The following CEACAM3 variants were observed in gnomAD, a reference collection of about 807,000 sequenced individuals.
CEACAM3 encodes cell adhesion molecule CEACAM3.
CEACAM3 carries 32 observed loss-of-function variants against 30.1 expected under a neutral mutation model. The observed-to-expected ratio is 1.06, with a 90% CI of 0.80 to 1.43. The LOEUF is 1.43. Among genes scored for constraint, CEACAM3 ranks in the 40% most tolerant of loss-of-function variants. The probability of loss-of-function intolerance (pLI) is 0.00; values close to 1 mark genes in which losing one functional copy is unlikely to be tolerated. For missense variants in CEACAM3, 290 were observed against 316.3 expected (o/e 0.92, Z 0.63); for synonymous variants, 134 against 127.2 (o/e 1.05, Z -0.36).
chr19:41,810,653 G>C (rs1228835805), intron 5 of CEACAM3, among the ~76,000 whole-genome samples, 179 bp from the exon 6 acceptor site: 1 of 152,152 alleles, frequency 6.6e-6, no homozygotes, highest in Non-Finnish European at 1.5e-5. Flanking sequence ...GTGCAGGGTG[G>C]GCCCAGCCAG....
intron 2 of CEACAM3, chr19:41,798,158 G>A: frequency 1.2e-6 from 1 of 848,678 alleles, no homozygotes. Flanking sequence ...ACTCGCTGCA[G>A]AGGAAGGACA....
Position 41,810,738 on chromosome 19 carries a change from T to C in CEACAM3, c.628-94T>C, listed in dbSNP as rs577679689. On this transcript the variant is annotated intron_variant, in intron 5 of 6. Coordinates refer to ENST00000357396, the MANE Select transcript of CEACAM3 (RefSeq NM_001815.5). ...AGAGCTGGTCACTCCTGAGGGGAAA[T>C]GACCAGAAGTAAACACAGAGAAGTA... The C allele has an allele frequency of 9.4e-6, 11 of 1,169,888 alleles. No homozygotes were observed. In the South Asian group the frequency reaches 1.2e-4, roughly 13 times the overall value. 72.5% of individuals were successfully genotyped at this position (1,169,888 alleles called of 1,614,324 possible).
chr19:41,797,490 C>T, intron 1 of CEACAM3, 99 bp from the exon 2 acceptor site: 2 of 1,476,964 alleles, frequency 1.4e-6, no homozygotes, highest in South Asian at 1.3e-5. Context: ...ATACACTCTC[C>T]AAGGCTGAAG....
intron 2 of CEACAM3, among the ~76,000 whole-genome samples, chr19:41,803,715 C>CAGG: frequency 9.8e-6 from 1 of 102,014 alleles, no homozygotes; most frequent in South Asian, 4.6e-4. Flanking sequence ...ATCTGCCCGC[C>CAGG]TTGGCCTCCA....
intron 2 of CEACAM3, chr19:41,807,390 G>C: frequency 1.7e-6 from 1 of 582,006 alleles, no homozygotes; most frequent in Admixed American, 5.6e-5. Flanking sequence ...AATGTCCTCT[G>C]TATCTTCTGT....
rs113639007 is a variant in CEACAM3 at position 41,798,052 on chromosome 19, T to C, written c.424+104T>C. The C allele has an allele frequency of 5.0e-3, 7,556 of 1,513,880 alleles. 304 individuals carry two copies. The African/African-American group carries it at 0.091, about 18-fold the overall frequency. 93.8% of individuals were successfully genotyped at this position (1,513,880 alleles called of 1,614,324 possible). On this transcript the variant is annotated intron_variant, in intron 2 of 6. Coordinates refer to ENST00000357396, the MANE Select transcript of CEACAM3 (RefSeq NM_001815.5). ...GCCTGTGGCCCTCTCTGCATTACAT[T>C]CTGTATCAGGGTTTGGACATTTAGT...
At chr19:41,810,518 T>C (rs1193179210) in intron 5 of CEACAM3, among the ~76,000 whole-genome samples, 164 bp downstream of exon 5, 3 of 151,274 alleles carry the variant, frequency 2.0e-5, no homozygotes, top group African/African-American at 7.3e-5. Flanking sequence ...CCCTACAGGG[T>C]CAGGACCACC....
At position 41,808,949 on chromosome 19, in the gene CEACAM3, A is replaced by G; in HGVS notation, c.542+19A>G. On this transcript the variant is annotated intron_variant, in intron 3 of 6. Coordinates refer to ENST00000357396, the MANE Select transcript of CEACAM3 (RefSeq NM_001815.5). ...CTGGAAGGTACCACAGCTTTTTCCCATCCTTCTCCCACCCCCTAGGCTGAC... is the reference window on the plus strand; with the variant it reads ...CTGGAAGGTACCACAGCTTTTTCCCGTCCTTCTCCCACCCCCTAGGCTGAC... The G allele has an allele frequency of 6.6e-7, 1 of 1,521,448 alleles. No homozygotes were observed. The highest frequency in any genetic ancestry group is 8.9e-7 in the Non-Finnish European group (1 of 1,125,548). The allele number at this position is 1,521,448 out of a possible 1,614,324, so 94.2% of individuals were successfully genotyped here. A position where few individuals can be genotyped will look rare whatever the true frequency, so the allele number is the denominator to read the frequency against.
chr19:41,800,980 G>A (rs2073142054), intron 2 of CEACAM3, among the ~76,000 whole-genome samples: 1 of 151,898 alleles, frequency 6.6e-6, no homozygotes, highest in South Asian at 2.1e-4. Flanking sequence ...CGACCCTGTG[G>A]GGCTGGTCCC....
chr19:41,805,922 C>A (rs868972700), intron 2 of CEACAM3, among the ~76,000 whole-genome samples: 1 of 152,234 alleles, frequency 6.6e-6, no homozygotes, highest in Non-Finnish European at 1.5e-5. Context: ...GGACAGAGAA[C>A]ATGGTTCTGC....
Position 41,809,760 on chromosome 19 carries a change from C to T in CEACAM3, c.543-205C>T, listed in dbSNP as rs536783590. ...CTGGCCCGGCATCTGCCTGAGGGTC[C>T]TTCCCCTCTGCTCAGGACAGATGTG... On this transcript the variant is annotated intron_variant, in intron 3 of 6. Coordinates refer to ENST00000357396, the MANE Select transcript of CEACAM3 (RefSeq NM_001815.5). 1,332 of 560,340 alleles carry T rather than the reference C, an allele frequency of 2.4e-3. 4 individuals are homozygous for T. Among genetic ancestry groups the T allele is most frequent in the Non-Finnish European group, 3.8e-3 (1,174 of 307,524 alleles). The allele number at this position is 560,340 out of a possible 1,614,324, so 34.7% of individuals were successfully genotyped here.
intron 2 of CEACAM3, among the ~76,000 whole-genome samples, chr19:41,802,537 G>A (rs2123000706): frequency 6.6e-6 from 1 of 152,246 alleles, no homozygotes; most frequent in East Asian, 1.9e-4. Context: ...AATTGCTGGA[G>A]GCTCAGCATG....
chr19:41,811,398 T>A lies in CEACAM3; in HGVS notation c.*161T>A, dbSNP rs1429539932. On this transcript the variant is annotated 3_prime_UTR_variant, in exon 7 of 7. Coordinates refer to ENST00000357396, the MANE Select transcript of CEACAM3 (RefSeq NM_001815.5). ...GAGGGATGGGGGTCCCTGATGAATA[T>A]CTGGAGACCTCGACAGCCTGCCCTA... is the stretch of plus-strand genomic sequence containing the variant. 2 of 641,686 alleles carry A rather than the reference T, an allele frequency of 3.1e-6. No homozygotes were observed. Among genetic ancestry groups the A allele is most frequent in the African/African-American group, 3.6e-5 (2 of 54,896 alleles). The allele number at this position is 641,686 out of a possible 1,614,324, so 39.7% of individuals were successfully genotyped here.
intron 3 of CEACAM3, 78 bp downstream of exon 3, chr19:41,809,008 T>C: frequency 9.2e-7 from 1 of 1,081,704 alleles, no homozygotes; most frequent in African/African-American, 1.6e-5. Context: ...TTGTCCTGTA[T>C]TCAGGGCCAG....
chr19:41,807,828 G>A (rs1267367962), intron 2 of CEACAM3, among the ~76,000 whole-genome samples: 1 of 152,158 alleles, frequency 6.6e-6, no homozygotes. Flanking sequence ...CCATCCAGGG[G>A]CAAATCTCAA....
At position 41,811,447 on chromosome 19, in the gene CEACAM3, G is replaced by A. The variant is rs576371276; in HGVS notation, c.*210G>A. 3.6e-6 allele frequency: 2 copies of A among 559,714 alleles called. No homozygotes were observed. Among genetic ancestry groups the A allele is most frequent in the Admixed American group, 3.0e-5 (1 of 33,318 alleles). 34.7% of individuals were successfully genotyped at this position (559,714 alleles called of 1,614,324 possible). A position where few individuals can be genotyped will look rare whatever the true frequency, so the allele number is the denominator to read the frequency against. On this transcript the variant is annotated 3_prime_UTR_variant, in exon 7 of 7. Transcript: ENST00000357396. Reference sequence around the variant, plus strand: ...TAGGCCCTGGGTGGGTCAGGACAAAGGCCTCTCATCACCGCAGAAAGCGGG... The same window carrying A: ...TAGGCCCTGGGTGGGTCAGGACAAAAGCCTCTCATCACCGCAGAAAGCGGG...
At chr19:41,807,243 C>A (rs772434865) in intron 2 of CEACAM3, 1 of 1,609,120 alleles carries the variant, frequency 6.2e-7, no homozygotes, top group African/African-American at 1.3e-5. Context: ...CAGAGCCTCC[C>A]GGTCAGTTCC....
chr19:41,810,957 C>T, intron 6 of CEACAM3, 60 bp downstream of exon 6: 1 of 1,480,406 alleles, frequency 6.8e-7, no homozygotes, highest in Non-Finnish European at 9.4e-7. Context: ...GGATCTTCCC[C>T]TACTGGCATC....
intron 3 of CEACAM3, 176 bp downstream of exon 3, chr19:41,809,106 C>T (rs2073228006): frequency 1.9e-6 from 1 of 526,984 alleles, no homozygotes; most frequent in Admixed American, 3.4e-5. Flanking sequence ...GGGTTGCTGC[C>T]TCAACAGCTT....
Sources: allele counts gnomAD v4.1 joint callset (sites outside exome capture counted in the v4.1 genomes callset), GRCh38; gene constraint gnomAD v4.1.1; transcripts MANE v1.5; gene names NCBI Gene and HGNC (gene_info 2026-07-23, HGNC 2026-07-21).